ATP8B4: variants seen among roughly 807,000 people sequenced by gnomAD.
The protein encoded by ATP8B4 is probable phospholipid-transporting ATPase IM.
In ATP8B4, 133 loss-of-function variants were observed where a neutral mutation model predicts 145.6. That is an observed-to-expected ratio of 0.91 (90% CI 0.79 to 1.05). The LOEUF (loss-of-function observed/expected upper bound fraction) is 1.05. Among genes scored for constraint, ATP8B4 ranks in the 50% least tolerant of loss-of-function variants. The pLI, the probability that ATP8B4 is intolerant of heterozygous loss-of-function variation, is 0.00. For missense variants in ATP8B4, 1,458 were observed against 1,425.2 expected (o/e 1.02, Z -0.37); for synonymous variants, 507 against 492.9 (o/e 1.03, Z -0.38).
intron 2 of ATP8B4, among the ~76,000 whole-genome samples, chr15:50,089,698 C>A (rs2055471670): frequency 6.6e-6 from 1 of 151,618 alleles, no homozygotes; most frequent in Non-Finnish European, 1.5e-5. Context: ...GAGTCTCACT[C>A]TGTCTCCCAG....
chr15:50,047,616 C>G (rs555893983), intron 3 of ATP8B4, 152 bp from the exon 4 acceptor site: 126 of 622,190 alleles, frequency 2.0e-4, no homozygotes, highest in African/African-American at 1.2e-3. Flanking sequence ...CTTCATTTTT[C>G]CCAAGATGAT....
chr15:50,082,395 A>AT (rs1057023878), intron 2 of ATP8B4, among the ~76,000 whole-genome samples: 6 of 152,130 alleles, frequency 3.9e-5, no homozygotes, highest in Non-Finnish European at 5.9e-5. Context: ...CCTTCCCACA[A>AT]TTTTTTTACG....
intron 23 of ATP8B4, among the ~76,000 whole-genome samples, chr15:49,882,500 G>A (rs2035577757): frequency 6.6e-6 from 1 of 152,208 alleles, no homozygotes; most frequent in Non-Finnish European, 1.5e-5. Context: ...TCCTTCAAGT[G>A]TGGGATAAAG....
At chr15:49,930,979 T>G (rs547855510) in intron 16 of ATP8B4, 140 bp downstream of exon 16, 2 of 894,474 alleles carry the variant, frequency 2.2e-6, no homozygotes, top group Admixed American at 5.6e-5. Context: ...TGAGGCTAGG[T>G]TGAGCAACAC....
At chr15:50,122,408 G>A (rs779664355), upstream of ATP8B4, among the ~76,000 whole-genome samples, 4 of 152,098 alleles carry the variant, frequency 2.6e-5, no homozygotes, top group Admixed American at 6.6e-5. Flanking sequence ...TTGAGAATGG[G>A]ATTGACAAAT....
At chr15:50,144,949 T>C (rs920661782) in intron 1 of ATP8B4, among the ~76,000 whole-genome samples, 1 of 152,202 alleles carries the variant, frequency 6.6e-6, no homozygotes, top group Non-Finnish European at 1.5e-5. Flanking sequence ...ATTACACTAC[T>C]GAATATCGTA....
intron 7 of ATP8B4, among the ~76,000 whole-genome samples, chr15:50,006,072 T>G (rs1031810753): frequency 6.6e-6 from 1 of 152,180 alleles, no homozygotes; most frequent in African/African-American, 2.4e-5. Context: ...AAATGAAGTT[T>G]ATATGGTAAT....
upstream of ATP8B4, among the ~76,000 whole-genome samples, chr15:50,121,798 T>C (rs142489682): frequency 1.1e-3 from 171 of 152,292 alleles, no homozygotes; most frequent in African/African-American, 4.0e-3. Flanking sequence ...TTTTAAAGCC[T>C]TACTTTTGAC....
At position 49,862,256 on chromosome 15, in the gene ATP8B4, G is replaced by A; in HGVS notation, c.3286C>T (p.Leu1096=). The change falls in exon 27 of 28, where the codon CTG becomes TTG. Residue 1096 remains leucine (L), a synonymous_variant. Transcript: ENST00000284509. ...RFLKVDLYPT[L]SDQIRRWQKA... ...GCACTGTGACATACCTGATCACTCA[G>A]GGTTGGGTATAAATCCACCTTCAAA... The A allele has an allele frequency of 6.2e-7, 1 of 1,613,434 alleles. No individual in the cohort carries two copies. The highest frequency in any genetic ancestry group is 8.5e-7 in the Non-Finnish European group (1 of 1,179,570).
At position 50,044,657 on chromosome 15, in the gene ATP8B4, G is replaced by A. The variant is rs781387363; in HGVS notation, c.237C>T (p.Thr79=). ...TCACCAGGACCAAAGGCACAATGGT[G>A]GTAAACCAGGTCAAGGAGGAAATTT... is the stretch of plus-strand genomic sequence containing the variant. The part of the protein sequence containing the change: ...IPEISSLTWF[T]TIVPLVLVIT... The change falls in exon 5 of 28, where the codon ACC becomes ACT. Residue 79 remains threonine, a synonymous_variant. Coordinates refer to ENST00000284509, the MANE Select transcript of ATP8B4 (RefSeq NM_024837.4). The A allele has an allele frequency of 6.2e-7, 1 of 1,612,802 alleles. No individual in the cohort carries two copies. The highest frequency in any genetic ancestry group is 1.1e-5 in the South Asian group (1 of 90,914).
At chr15:50,143,725 G>T (rs2044241610) in intron 1 of ATP8B4, among the ~76,000 whole-genome samples, 1 of 152,158 alleles carries the variant, frequency 6.6e-6, no homozygotes, top group Non-Finnish European at 1.5e-5. Context: ...GTTCTATGAA[G>T]CATTTCAAAT....
intron 14 of ATP8B4, among the ~76,000 whole-genome samples, chr15:49,936,061 C>T (rs1237912908): frequency 1.3e-5 from 2 of 152,002 alleles, no homozygotes; most frequent in South Asian, 2.1e-4. Context: ...AACTTAAATA[C>T]TTTTTATTGG....
At chr15:50,115,035 G>A (rs181601992) in intron 1 of ATP8B4, among the ~76,000 whole-genome samples, 8 of 152,272 alleles carry the variant, frequency 5.3e-5, no homozygotes, top group African/African-American at 1.9e-4. Flanking sequence ...AAGACCATTC[G>A]AATCGTGAGT....
At chr15:50,158,603 A>G (rs1251663687) in intron 1 of ATP8B4, among the ~76,000 whole-genome samples, 1 of 152,226 alleles carries the variant, frequency 6.6e-6, no homozygotes, top group Non-Finnish European at 1.5e-5. Context: ...TCTGGGAGGT[A>G]TACCCAACAG....
At chr15:50,009,469 G>T in intron 7 of ATP8B4, 1 of 289,464 alleles carries the variant, frequency 3.5e-6, no homozygotes, top group Non-Finnish European at 6.8e-6. Flanking sequence ...TTGAGATCCT[G>T]TAGTGGTCTA....
chr15:50,053,473 G>C (rs1421388082), intron 3 of ATP8B4, among the ~76,000 whole-genome samples: 1 of 152,180 alleles, frequency 6.6e-6, no homozygotes, highest in Non-Finnish European at 1.5e-5. Flanking sequence ...CTTACCAAAG[G>C]AAATTCAGTT....
At chr15:50,021,118 T>TGATAGATAGATAGATAGATA (rs113258750) in intron 6 of ATP8B4, among the ~76,000 whole-genome samples, 1 of 146,748 alleles carries the variant, frequency 6.8e-6, no homozygotes, top group Non-Finnish European at 1.5e-5. Flanking sequence ...ATGGTGATTA[T>TGATAGATAGATAGATAGATA]GATAGATAGA....
intron 3 of ATP8B4, among the ~76,000 whole-genome samples, chr15:50,058,675 T>G (rs2052779266): frequency 6.6e-6 from 1 of 152,194 alleles, no homozygotes; most frequent in Non-Finnish European, 1.5e-5. Context: ...CATGCAGTTG[T>G]CAGCACCCTC....
At chr15:50,048,428 C>T (rs1483587829) in intron 3 of ATP8B4, among the ~76,000 whole-genome samples, 1 of 152,068 alleles carries the variant, frequency 6.6e-6, no homozygotes, top group East Asian at 1.9e-4. Context: ...GCAAAGGGGG[C>T]CAAGCACAGT....
Sources: gnomAD v4.1 joint callset for allele counts (sites outside exome capture counted in the v4.1 genomes callset) on GRCh38, gnomAD v4.1.1 for gene constraint, MANE v1.5 for transcripts, NCBI Gene and HGNC (gene_info 2026-07-23, HGNC 2026-07-21) for gene names.